The following SCFD2 variants were observed in gnomAD, a reference collection of about 807,000 sequenced individuals.
SCFD2 encodes sec1 family domain containing 2, also known as sec1 family domain-containing protein 2.
Under a neutral mutation model 58.9 loss-of-function variants are expected in SCFD2, and 54 were observed. The observed-to-expected ratio is 0.92, with a 90% CI of 0.74 to 1.15. The LOEUF is 1.15. Ranked by LOEUF, SCFD2 falls within the 50% of genes most tolerant of loss-of-function variation. The probability of loss-of-function intolerance (pLI) is 0.00; values close to 1 mark genes in which losing one functional copy is unlikely to be tolerated. For synonymous variants in SCFD2, 321 were observed against 335.9 expected (o/e 0.96, Z 0.49); for missense variants, 805 against 836.6 (o/e 0.96, Z 0.47).
intron 5 of SCFD2, among the ~76,000 whole-genome samples, chr4:52,980,056 G>A (rs1560500543): frequency 6.6e-6 from 1 of 152,166 alleles, no homozygotes; most frequent in Non-Finnish European, 1.5e-5. Context: ...GGTGCCCCTT[G>A]GGGTTGGCAA....
intron 5 of SCFD2, among the ~76,000 whole-genome samples, chr4:52,975,455 T>C (rs576694540): frequency 1.2e-4 from 18 of 152,216 alleles, no homozygotes; most frequent in African/African-American, 4.1e-4. Flanking sequence ...GAATTGCAAA[T>C]CAAAACCACA....
At chr4:53,336,033 CAAAG>C (rs1411100420) in intron 2 of SCFD2, among the ~76,000 whole-genome samples, 1 of 152,102 alleles carries the variant, frequency 6.6e-6, no homozygotes, top group Admixed American at 6.6e-5. Context: ...ATCCCTGAAA[CAAAG>C]AAAATTCTAA....
chr4:53,213,093 T>C (rs1161854121), intron 4 of SCFD2, among the ~76,000 whole-genome samples: 1 of 152,058 alleles, frequency 6.6e-6, no homozygotes, highest in African/African-American at 2.4e-5. Flanking sequence ...ACAAACAATT[T>C]CTAGCAATGA....
intron 5 of SCFD2, among the ~76,000 whole-genome samples, chr4:53,091,417 C>CT (rs1478315218): frequency 6.6e-6 from 1 of 150,854 alleles, no homozygotes; most frequent in Non-Finnish European, 1.5e-5. Flanking sequence ...GTGTGTAAGT[C>CT]TTAAAGTAAT....
At chr4:52,984,632 G>T (rs1189384917) in intron 5 of SCFD2, among the ~76,000 whole-genome samples, 1 of 152,212 alleles carries the variant, frequency 6.6e-6, no homozygotes, top group African/African-American at 2.4e-5. Flanking sequence ...TGTTCACCAT[G>T]AATCCTAAAC....
At chr4:53,258,806 G>A (rs1208539042) in intron 4 of SCFD2, among the ~76,000 whole-genome samples, 1 of 151,882 alleles carries the variant, frequency 6.6e-6, no homozygotes, top group Non-Finnish European at 1.5e-5. Context: ...TCTCCACACT[G>A]TTTTTTATAG....
chr4:53,247,867 CAAAAA>C (rs35585900), intron 4 of SCFD2, among the ~76,000 whole-genome samples: 3 of 54,528 alleles, frequency 5.5e-5, no homozygotes, highest in African/African-American at 6.2e-5. Context: ...GACTCCGTCT[CAAAAA>C]AAAAAAAAAA....
chr4:53,170,108 AAGGT>A (rs1444015145), intron 4 of SCFD2, among the ~76,000 whole-genome samples: 1 of 152,134 alleles, frequency 6.6e-6, no homozygotes, highest in African/African-American at 2.4e-5. Context: ...TGCCCAGACA[AAGGT>A]AGTGTGGTTT....
At chr4:53,152,889 T>C (rs769895861) in intron 4 of SCFD2, among the ~76,000 whole-genome samples, 1 of 152,132 alleles carries the variant, frequency 6.6e-6, no homozygotes, top group Non-Finnish European at 1.5e-5. Flanking sequence ...AGGGCAGACA[T>C]TAAACCTTAA....
rs114237535 is a variant in SCFD2, at chr4:53,289,950, G to A, written c.1136-15949C>T. On this transcript the variant is annotated intron_variant, in intron 3 of 8. Coordinates refer to ENST00000401642, the MANE Select transcript of SCFD2 (RefSeq NM_152540.4). The stretch of plus-strand genomic sequence containing the variant: ...GGACATAACAATTATAAATATATAC[G>A]CACCCAACATTGGAGCACCTAAATG... Among the ~76,000 whole-genome samples, 1,171 of 152,166 alleles carry A rather than the reference G, an allele frequency of 7.7e-3. 17 individuals carry two copies. The highest frequency in any genetic ancestry group is 0.026 in the African/African-American group (1,088 of 41,518).
At chr4:52,982,687 C>G (rs1721401836) in intron 5 of SCFD2, among the ~76,000 whole-genome samples, 1 of 152,120 alleles carries the variant, frequency 6.6e-6, no homozygotes, top group Admixed American at 6.5e-5. Flanking sequence ...TGAATATCAC[C>G]TTAAGAGAAT....
intron 5 of SCFD2, among the ~76,000 whole-genome samples, chr4:53,095,320 C>T (rs1160645372): frequency 2.0e-5 from 3 of 152,156 alleles, no homozygotes; most frequent in Non-Finnish European, 2.9e-5. Flanking sequence ...ACTCCAATCC[C>T]TCTAGCTGCT....
intron 4 of SCFD2, among the ~76,000 whole-genome samples, chr4:53,201,335 C>G (rs1728229928): frequency 6.6e-6 from 1 of 152,116 alleles, no homozygotes. Context: ...TCATCCATGT[C>G]CCTACAAAGG....
In SCFD2 at chr4:53,103,368, T is replaced by C. The variant is rs1724885043; in HGVS notation, c.1561+41965A>G. 4.0e-5 allele frequency among the ~76,000 whole-genome samples: 6 copies of C among 151,884 alleles called. No homozygotes were observed. In the South Asian group the frequency reaches 1.2e-3, roughly 32 times the overall value. On this transcript the variant is annotated intron_variant, in intron 5 of 8. Coordinates refer to ENST00000401642, the MANE Select transcript of SCFD2 (RefSeq NM_152540.4). The stretch of plus-strand genomic sequence containing the variant: ...GGAGCCAAGTTTTTCACTGTTGGTG[T>C]GGAAGTGTGCAGATGAACAAGGACA...
chr4:53,183,463 T>C (rs1727644535), intron 4 of SCFD2, among the ~76,000 whole-genome samples: 1 of 151,216 alleles, frequency 6.6e-6, no homozygotes, highest in South Asian at 2.1e-4. Flanking sequence ...TGAGAACACA[T>C]GGACACAGGA....
chr4:53,320,942 TAG>T (rs1182262781), intron 2 of SCFD2, among the ~76,000 whole-genome samples: 1 of 152,238 alleles, frequency 6.6e-6, no homozygotes, highest in Admixed American at 6.5e-5. Context: ...TTTGTTAAAA[TAG>T]ATTCCTTGAA....
At chr4:53,353,628 G>T (rs1378976628) in intron 1 of SCFD2, among the ~76,000 whole-genome samples, 2 of 152,148 alleles carry the variant, frequency 1.3e-5, no homozygotes, top group Non-Finnish European at 2.9e-5. Flanking sequence ...GCTGATTGGT[G>T]CATTTACAAA....
chr4:52,917,769 G>C (rs1448190515), intron 6 of SCFD2, among the ~76,000 whole-genome samples: 1 of 152,186 alleles, frequency 6.6e-6, no homozygotes, highest in Non-Finnish European at 1.5e-5. Flanking sequence ...TTATATGCTC[G>C]ATGTAACGCA....
intron 4 of SCFD2, among the ~76,000 whole-genome samples, chr4:53,229,752 A>G (rs1407409335): frequency 1.3e-5 from 2 of 152,204 alleles, no homozygotes; most frequent in African/African-American, 4.8e-5. Flanking sequence ...AATGGCAACA[A>G]AAGCCAGAAT....
Sources: gnomAD v4.1 joint callset for allele counts (sites outside exome capture counted in the v4.1 genomes callset) on GRCh38, gnomAD v4.1.1 for gene constraint, MANE v1.5 for transcripts, NCBI Gene and HGNC (gene_info 2026-07-23, HGNC 2026-07-21) for gene names.